The following DLG2 variants were observed in gnomAD, a reference collection of about 807,000 sequenced individuals.
DLG2 encodes discs large MAGUK scaffold protein 2, also known as disks large homolog 2.
Under a neutral mutation model 132.5 loss-of-function variants are expected in DLG2, and 45 were observed. The ratio of observed to expected loss-of-function variants is 0.34; its 90% CI spans 0.27 to 0.44. DLG2 has a LOEUF of 0.44. DLG2 is among the 20% of genes least tolerant of loss of function. The pLI, the probability that DLG2 is intolerant of heterozygous loss-of-function variation, is 1.00. For missense variants in DLG2, 1,045 were observed against 1,196.9 expected (o/e 0.87, Z 1.87); for synonymous variants, 424 against 419.6 (o/e 1.01, Z -0.13).
intron 6 of DLG2, among the ~76,000 whole-genome samples, chr11:84,565,241 A>T (rs1166230965): frequency 6.6e-6 from 1 of 152,202 alleles, no homozygotes; most frequent in Non-Finnish European, 1.5e-5. Context: ...TGCGCACTCA[A>T]ATTACCTGTA....
intron 6 of DLG2, among the ~76,000 whole-genome samples, chr11:84,969,962 A>T (rs953190367): frequency 6.6e-6 from 1 of 152,156 alleles, no homozygotes; most frequent in Non-Finnish European, 1.5e-5. Flanking sequence ...GTGGGAGTTG[A>T]ACGATGAGAA....
chr11:84,769,697 A>C (rs2068961896), intron 6 of DLG2, among the ~76,000 whole-genome samples: 1 of 152,202 alleles, frequency 6.6e-6, no homozygotes, highest in South Asian at 2.1e-4. Context: ...TTTATGGTCA[A>C]TGCTAAAGAA....
At chr11:84,550,867 A>G (rs571090020) in intron 6 of DLG2, among the ~76,000 whole-genome samples, 1 of 152,334 alleles carries the variant, frequency 6.6e-6, no homozygotes, top group Admixed American at 6.5e-5. Flanking sequence ...ATTAAATTCT[A>G]GTTGCGTTAG....
intron 21 of DLG2, among the ~76,000 whole-genome samples, chr11:83,523,149 C>T (rs1034209034): frequency 2.0e-5 from 3 of 152,058 alleles, no homozygotes; most frequent in African/African-American, 7.2e-5. Context: ...GACTGTAGGC[C>T]TATTACTACA....
intron 4 of DLG2, among the ~76,000 whole-genome samples, chr11:85,179,639 G>T (rs1005982573): frequency 6.6e-6 from 1 of 151,788 alleles, no homozygotes; most frequent in Non-Finnish European, 1.5e-5. Flanking sequence ...AAAATTTTCA[G>T]TACAACAGGA....
Position 84,318,888 on chromosome 11 carries a change from C to T in DLG2, c.520-67597G>A, listed in dbSNP as rs375232190. 2.4e-4 allele frequency among the ~76,000 whole-genome samples: 36 copies of T among 151,680 alleles called. No homozygotes were observed. In the South Asian group the frequency reaches 2.9e-3, roughly 12 times the overall value. On this transcript the variant is annotated intron_variant, in intron 7 of 27. Transcript: ENST00000376104. ...GCAGTAAATACATACATATGTTTGA[C>T]GGATGAATGGATGGTTGGGTGGAAG...
chr11:84,080,978 G>A (rs911864935), intron 10 of DLG2, among the ~76,000 whole-genome samples: 7 of 133,782 alleles, frequency 5.2e-5, no homozygotes, highest in Admixed American at 3.2e-4. Flanking sequence ...CACGACAAGA[G>A]CAAAACTCTG....
At chr11:83,523,834 G>T (rs973513055) in intron 21 of DLG2, among the ~76,000 whole-genome samples, 1 of 152,162 alleles carries the variant, frequency 6.6e-6, no homozygotes, top group Non-Finnish European at 1.5e-5. Context: ...AATGGCAGGG[G>T]CAGGGGGCGG....
At chr11:84,865,864 C>T (rs939386904) in intron 6 of DLG2, among the ~76,000 whole-genome samples, 1 of 152,180 alleles carries the variant, frequency 6.6e-6, no homozygotes, top group African/African-American at 2.4e-5. Flanking sequence ...TGCTCAGAAT[C>T]TCCAGGGTAA....
intron 4 of DLG2, among the ~76,000 whole-genome samples, chr11:85,239,666 T>A (rs1042093300): frequency 1.3e-5 from 2 of 152,026 alleles, no homozygotes; most frequent in African/African-American, 4.8e-5. Flanking sequence ...ATTTATATAA[T>A]CTTTTGGGAC....
chr11:84,430,733 T>G (rs1022634475), intron 7 of DLG2, among the ~76,000 whole-genome samples: 1 of 152,142 alleles, frequency 6.6e-6, no homozygotes, highest in African/African-American at 2.4e-5. Context: ...TCTGCCAGGG[T>G]GGGCAGCAGT....
chr11:84,344,566 G>A (rs2098530777), intron 7 of DLG2, among the ~76,000 whole-genome samples: 1 of 152,146 alleles, frequency 6.6e-6, no homozygotes, highest in Non-Finnish European at 1.5e-5. Context: ...CAGACATTGA[G>A]AAACTTGTCT....
At chr11:85,547,554 T>A (rs934065821) in intron 3 of DLG2, among the ~76,000 whole-genome samples, 1 of 152,224 alleles carries the variant, frequency 6.6e-6, no homozygotes, top group Non-Finnish European at 1.5e-5. Flanking sequence ...GGGGAAATTC[T>A]CCTGGATAAT....
chr11:85,134,128 C>G (rs914446845), intron 5 of DLG2, among the ~76,000 whole-genome samples: 1 of 151,968 alleles, frequency 6.6e-6, no homozygotes, highest in African/African-American at 2.4e-5. Context: ...TTCGCTTTCA[C>G]TAGGAAGAAA....
intron 6 of DLG2, among the ~76,000 whole-genome samples, chr11:84,966,582 G>A (rs1285409364): frequency 6.6e-6 from 1 of 152,100 alleles, no homozygotes; most frequent in Non-Finnish European, 1.5e-5. Flanking sequence ...GTCTTGGCAT[G>A]TGACGAGGAA....
chr11:83,838,477 G>A (rs754546218), intron 16 of DLG2, among the ~76,000 whole-genome samples: 3 of 152,164 alleles, frequency 2.0e-5, no homozygotes, highest in Admixed American at 6.5e-5. Context: ...TAAGGACATA[G>A]ATTTTCTGTC....
At chr11:84,921,008 C>T (rs1295649273) in intron 6 of DLG2, among the ~76,000 whole-genome samples, 1 of 151,790 alleles carries the variant, frequency 6.6e-6, no homozygotes, top group Non-Finnish European at 1.5e-5. Flanking sequence ...AAACTATATA[C>T]CATAAGAGAG....
chr11:84,299,438 C>T (rs2098128625), intron 7 of DLG2, among the ~76,000 whole-genome samples: 1 of 152,130 alleles, frequency 6.6e-6, no homozygotes, highest in Admixed American at 6.5e-5. Flanking sequence ...ATTTGAAACA[C>T]TCTGGATATA....
At chr11:85,353,737 G>C (rs1203776468) in intron 3 of DLG2, among the ~76,000 whole-genome samples, 4 of 152,066 alleles carry the variant, frequency 2.6e-5, no homozygotes, top group Non-Finnish European at 5.9e-5. Context: ...CTATCTCATG[G>C]ACAGAAAACC....
Sources: allele counts gnomAD v4.1 joint callset (sites outside exome capture counted in the v4.1 genomes callset), GRCh38; gene constraint gnomAD v4.1.1; transcripts MANE v1.5; gene names NCBI Gene and HGNC (gene_info 2026-07-23, HGNC 2026-07-21).